Variants in AKAP12 observed in about 807,000 individuals in gnomAD.
The protein encoded by AKAP12 is A-kinase anchoring protein 12.
A neutral mutation model predicts 79.9 loss-of-function variants in AKAP12; 32 were observed. The observed-to-expected ratio is 0.40, with a 90% CI of 0.30 to 0.54. The LOEUF (loss-of-function observed/expected upper bound fraction) is 0.54. AKAP12 is among the 20% of genes least tolerant of loss of function. The pLI is 0.48. For missense variants in AKAP12, 2,074 were observed against 2,177.0 expected (o/e 0.95, Z 0.94); for synonymous variants, 808 against 857.0 (o/e 0.94, Z 1.00).
At chr6:151,274,024 G>A (rs1457612476) in intron 2 of AKAP12, among the ~76,000 whole-genome samples, 3 of 149,870 alleles carry the variant, frequency 2.0e-5, no homozygotes, top group African/African-American at 7.4e-5. Flanking sequence ...GCAAGACTCT[G>A]TCTCAAAAAC....
Position 151,357,069 on chromosome 6 carries a change from G to C in AKAP12, c.*1355G>C, listed in dbSNP as rs1253408188. The stretch of plus-strand genomic sequence containing the variant: ...AAACAATAACAAATGTCTCTAGAAA[G>C]AAATTTTAAGAAAGCTTAATTAATA... On this transcript the variant is annotated 3_prime_UTR_variant, in exon 5 of 5. Transcript: ENST00000402676. The C allele has an allele frequency of 6.6e-6, 1 of 152,208 alleles. No individual in the cohort carries two copies. Among genetic ancestry groups the C allele is most frequent in the African/African-American group, 2.4e-5 (1 of 41,454 alleles). The allele number at this position is 152,208 out of a possible 1,614,324, so 9.4% of individuals were successfully genotyped here.
At chr6:151,240,787 G>A in intron 2 of AKAP12, 63 bp downstream of exon 2, 1 of 332,266 alleles carries the variant, frequency 3.0e-6, no homozygotes, top group Non-Finnish European at 3.6e-6. Flanking sequence ...GGGTGGGGGT[G>A]GGGGGGTCCC....
chr6:151,311,223 C>G (rs1777093228), intron 3 of AKAP12, among the ~76,000 whole-genome samples: 1 of 152,208 alleles, frequency 6.6e-6, no homozygotes, highest in Non-Finnish European at 1.5e-5. Flanking sequence ...TCCACGTCAG[C>G]CTCCCAAAGT....
At chr6:151,254,574 C>T (rs1007173024) in intron 2 of AKAP12, among the ~76,000 whole-genome samples, 2 of 152,150 alleles carry the variant, frequency 1.3e-5, no homozygotes, top group African/African-American at 4.8e-5. Flanking sequence ...TGATGTCGAA[C>T]TCTTGATCCA....
intron 2 of AKAP12, among the ~76,000 whole-genome samples, chr6:151,285,998 C>T (rs1776498527): frequency 6.6e-6 from 1 of 152,058 alleles, no homozygotes; most frequent in African/African-American, 2.4e-5. Flanking sequence ...CTGCCTCAGC[C>T]TCCCAAGTAG....
chr6:151,242,028 G>C (rs1022481462), intron 2 of AKAP12, among the ~76,000 whole-genome samples: 17 of 152,134 alleles, frequency 1.1e-4, no homozygotes, highest in African/African-American at 3.6e-4. Flanking sequence ...GTTTTTCTAA[G>C]AGATGCTTAA....
At chr6:151,341,711 G>C in intron 3 of AKAP12, 1 of 1,259,096 alleles carries the variant, frequency 7.9e-7, no homozygotes, top group South Asian at 1.3e-5. Context: ...CACCCAAGCG[G>C]CAGTTCGCCC....
rs756348162 is a variant in AKAP12 at position 151,352,856 on chromosome 6, T to C, written c.4465T>C (p.Ser1489Pro). 3 of 1,614,178 alleles carry C rather than the reference T, an allele frequency of 1.9e-6. No homozygotes were observed. Among genetic ancestry groups the C allele is most frequent in the South Asian group, 2.2e-5 (2 of 91,078 alleles). The change falls in exon 4 of 5, where the codon TCT becomes CCT. Residue 1489 changes from serine (S) to proline (P), a missense_variant. Coordinates refer to ENST00000402676, the MANE Select transcript of AKAP12 (RefSeq NM_005100.4). ...CQAKSTPVIV[S>P]ATTKKGLSSD... ...GGCAAAATCGACACCAGTGATAGTATCTGCTACTACCAAGAAAGGCTTAAG... is the reference window on the plus strand; with the variant it reads ...GGCAAAATCGACACCAGTGATAGTACCTGCTACTACCAAGAAAGGCTTAAG...
intron 3 of AKAP12, among the ~76,000 whole-genome samples, chr6:151,306,137 C>T (rs984701101): frequency 5.3e-5 from 8 of 152,096 alleles, no homozygotes; most frequent in Admixed American, 2.0e-4. Context: ...ATTATTGTTG[C>T]TTTGTCCCAA....
Position 151,335,441 on chromosome 6 carries a change from A to G in AKAP12, c.320-13270A>G, listed in dbSNP as rs556090411. ...GACTTATGTTATAGGTGAGGACACT[A>G]AGAACAGAGATTTTCATTTTATTTT... On this transcript the variant is annotated intron_variant, in intron 3 of 4. Transcript: ENST00000402676. Among the ~76,000 whole-genome samples the G allele has an allele frequency of 2.6e-5, 4 of 152,016 alleles. No homozygotes were observed. In the East Asian group the frequency reaches 7.7e-4, roughly 29 times the overall value.
intron 2 of AKAP12, among the ~76,000 whole-genome samples, chr6:151,248,442 G>A (rs1198275667): frequency 3.3e-5 from 5 of 151,980 alleles, no homozygotes; most frequent in Admixed American, 6.6e-5. Flanking sequence ...TCTAATGTGT[G>A]GGGTGTGGGC....
chr6:151,292,438 T>C (rs1776641459), intron 2 of AKAP12, among the ~76,000 whole-genome samples: 1 of 152,194 alleles, frequency 6.6e-6, no homozygotes, highest in Non-Finnish European at 1.5e-5. Flanking sequence ...CAGTTGTCCT[T>C]CAGTATCTTA....
chr6:151,351,569 G>A lies in AKAP12; in HGVS notation c.3178G>A (p.Gly1060Ser), dbSNP rs531139819. The A allele has an allele frequency of 4.6e-5, 75 of 1,614,126 alleles. 2 individuals carry two copies. In the South Asian group the frequency reaches 5.7e-4, roughly 12 times the overall value. The change falls in exon 4 of 5, where the codon GGT becomes AGT. Residue 1060 changes from glycine to serine, a missense_variant. Transcript: ENST00000402676. The surrounding 1 kb of genome is among the most constrained non-coding windows in gnomAD (Gnocchi z 4.4). ...AGAGGAATCCCAGCTGCCTGGCACCGGTGGGCCAGAAGATGTGCTTCAGCC... is the reference window on the plus strand; with the variant it reads ...AGAGGAATCCCAGCTGCCTGGCACCAGTGGGCCAGAAGATGTGCTTCAGCC... Reference protein sequence around the residue: ...VKEESQLPGTGGPEDVLQPVQ... With the variant: ...VKEESQLPGTSGPEDVLQPVQ...
intron 2 of AKAP12, among the ~76,000 whole-genome samples, chr6:151,298,298 G>A (rs1309114228): frequency 1.3e-5 from 2 of 152,198 alleles, no homozygotes; most frequent in Non-Finnish European, 2.9e-5. Flanking sequence ...ATTGTTGAGT[G>A]CAGAGCAGGA....
intron 2 of AKAP12, among the ~76,000 whole-genome samples, chr6:151,262,978 C>A (rs1797467214): frequency 6.6e-6 from 1 of 152,126 alleles, no homozygotes; most frequent in Non-Finnish European, 1.5e-5. Flanking sequence ...TCTTTGCCTG[C>A]ATGTAAAAGG....
At chr6:151,354,240 A>G (rs1483455010) in intron 4 of AKAP12, among the ~76,000 whole-genome samples, 1 of 151,530 alleles carries the variant, frequency 6.6e-6, no homozygotes, top group African/African-American at 2.4e-5. Context: ...CTCTTTCAGA[A>G]AAAATGGATT....
At chr6:151,328,219 T>C (rs1777579479) in intron 3 of AKAP12, among the ~76,000 whole-genome samples, 1 of 151,208 alleles carries the variant, frequency 6.6e-6, no homozygotes, top group Non-Finnish European at 1.5e-5. Flanking sequence ...TCCCAGCTAC[T>C]TGGGAGGCTG....
chr6:151,338,475 AG>A (rs1171540083), intron 3 of AKAP12, among the ~76,000 whole-genome samples: 1 of 145,824 alleles, frequency 6.9e-6, no homozygotes, highest in Non-Finnish European at 1.5e-5. Context: ...TTTTTCCCCG[AG>A]ATGGAGTCTT....
intron 3 of AKAP12, among the ~76,000 whole-genome samples, chr6:151,339,758 A>G (rs1013758711): frequency 1.3e-5 from 2 of 151,400 alleles, no homozygotes; most frequent in African/African-American, 4.8e-5. Context: ...TCCTCCCCCA[A>G]CCCCTGGCAG....
Sources: gnomAD v4.1 joint callset for allele counts (sites outside exome capture counted in the v4.1 genomes callset) on GRCh38, gnomAD v4.1.1 for gene constraint, Gnocchi (gnomAD v3.1) non-coding constraint, MANE v1.5 for transcripts, NCBI Gene and HGNC (gene_info 2026-07-23, HGNC 2026-07-21) for gene names.